Variants in RPS6KA3 observed in about 807,000 individuals in gnomAD.
The protein encoded by RPS6KA3 is ribosomal protein S6 kinase A3, also known as ribosomal protein S6 kinase alpha-3.
RPS6KA3 carries 4 observed loss-of-function variants against 67.2 expected under a neutral mutation model. That is an observed-to-expected ratio of 0.06 (90% confidence interval 0.03 to 0.14). RPS6KA3 has a LOEUF of 0.14. RPS6KA3 is among the 10% of genes least tolerant of loss of function. RPS6KA3 has a pLI of 1.00. For synonymous variants in RPS6KA3, 182 were observed against 183.7 expected (o/e 0.99, Z 0.07); for missense variants, 204 against 559.0 (o/e 0.36, Z 6.40).
At position 20,195,102 on chromosome X, in the gene RPS6KA3, T is replaced by C. The variant is rs923690485; in HGVS notation, c.369A>G (p.Val123=). The C allele has an allele frequency of 1.4e-5, 17 of 1,202,388 alleles. No individual in the cohort carries two copies. The highest frequency in any genetic ancestry group is 1.8e-5 in the Non-Finnish European group (16 of 887,071). ...TGACAATAAAAGGATGATTAACCTC[T>C]ACCAAGATATCACGTTCCATTTTTG... ...VRTKMERDIL[V]EVNHPFIVKL... The change falls in exon 5 of 22, where the codon GTA becomes GTG. Residue 123 remains valine (V), a synonymous_variant. Transcript: ENST00000379565.
chrX:20,178,355 C>T (rs758675091), intron 10 of RPS6KA3, among the ~76,000 whole-genome samples: 2 of 110,785 alleles, frequency 1.8e-5, no homozygotes, highest in Non-Finnish European at 3.8e-5. Flanking sequence ...AGATAGTTAG[C>T]AACAATAAAA....
chrX:20,223,871 C>T (rs978099863), intron 2 of RPS6KA3, among the ~76,000 whole-genome samples: 31 of 111,929 alleles, frequency 2.8e-4, no homozygotes, highest in African/African-American at 8.1e-4. Context: ...TTTTCTAATT[C>T]GCTGATTTTT....
intron 1 of RPS6KA3, among the ~76,000 whole-genome samples, chrX:20,253,827 A>G (rs1366077160): frequency 9.1e-6 from 1 of 110,364 alleles, no homozygotes; most frequent in Non-Finnish European, 1.9e-5. Context: ...TAGTACTTCT[A>G]GACTTTAATG....
intron 2 of RPS6KA3, among the ~76,000 whole-genome samples, chrX:20,221,696 T>TTC (rs747738165): frequency 8.9e-6 from 1 of 112,372 alleles, no homozygotes; most frequent in Admixed American, 9.4e-5. Flanking sequence ...CTGACCCCTG[T>TTC]TCTCTAATCT....
chrX:20,155,598 T>G lies in RPS6KA3; in HGVS notation c.2101-78A>C, dbSNP rs1018905616. ...TACACAAATACAAAATGAAGAGTTT[T>G]TTCATATGCAAATGTACATAGATTT... On this transcript the variant is annotated intron_variant, in intron 21 of 21. Coordinates refer to ENST00000379565, the MANE Select transcript of RPS6KA3 (RefSeq NM_004586.3). 8.6e-6 allele frequency: 9 copies of G among 1,043,475 alleles called. No individual in the cohort carries two copies. The Admixed American group carries it at 1.8e-4, about 21-fold the overall frequency. 86.0% of individuals were successfully genotyped at this position (1,043,475 alleles called of 1,213,427 possible). A position where few individuals can be genotyped will look rare whatever the true frequency, so the allele number is the denominator to read the frequency against.
At chrX:20,253,737 C>T (rs182138936) in intron 1 of RPS6KA3, among the ~76,000 whole-genome samples, 5 of 111,637 alleles carry the variant, frequency 4.5e-5, no homozygotes, top group African/African-American at 1.6e-4. Flanking sequence ...ATAATTTCCT[C>T]CTAAAGATCC....
At chrX:20,199,116 C>T (rs763714794) in intron 4 of RPS6KA3, among the ~76,000 whole-genome samples, 179 of 111,810 alleles carry the variant, frequency 1.6e-3, no homozygotes, top group Middle Eastern at 9.3e-3. Flanking sequence ...ATGATCCACC[C>T]GCCTCGGCCT....
chrX:20,185,224 G>A (rs2067951237), intron 10 of RPS6KA3, among the ~76,000 whole-genome samples: 1 of 112,083 alleles, frequency 8.9e-6, no homozygotes, highest in East Asian at 2.8e-4. Flanking sequence ...TGGGATTACA[G>A]GTGTGAGCCA....
chrX:20,186,799 T>C (rs903295605), intron 9 of RPS6KA3, among the ~76,000 whole-genome samples: 10 of 112,270 alleles, frequency 8.9e-5, no homozygotes, highest in Admixed American at 3.8e-4. Flanking sequence ...AGTGTAGATA[T>C]GTGAACAATT....
chrX:20,231,530 A>G (rs1410501409), intron 2 of RPS6KA3, among the ~76,000 whole-genome samples: 1 of 111,822 alleles, frequency 8.9e-6, no homozygotes, highest in Non-Finnish European at 1.9e-5. Flanking sequence ...GCTTTACCAC[A>G]TTTAAAAAAA....
At chrX:20,165,828 T>C (rs762903899) in intron 17 of RPS6KA3, among the ~76,000 whole-genome samples, 1 of 111,719 alleles carries the variant, frequency 9.0e-6, no homozygotes, top group East Asian at 2.8e-4. Context: ...TTTCCTCTTT[T>C]AATGATCTAC....
Position 20,223,009 on chromosome X carries a change from T to C in RPS6KA3, c.126+11749A>G, listed in dbSNP as rs1389111486. ...TATTTCCTCTTTACTAAAAGAGGAA[T>C]GAGTGCTAAGTTTTGTGTAATGTCT... On this transcript the variant is annotated intron_variant, in intron 2 of 21. Coordinates refer to ENST00000379565, the MANE Select transcript of RPS6KA3 (RefSeq NM_004586.3). Among the ~76,000 whole-genome samples, 3 of 111,982 alleles carry C rather than the reference T, an allele frequency of 2.7e-5. No individual in the cohort carries two copies. In the East Asian group the frequency reaches 8.3e-4, roughly 31 times the overall value.
At chrX:20,181,752 C>T (rs1294842664) in intron 10 of RPS6KA3, among the ~76,000 whole-genome samples, 1 of 111,081 alleles carries the variant, frequency 9.0e-6, no homozygotes, top group Admixed American at 9.7e-5. Context: ...CACTGATAGC[C>T]ACAGAGAGAG....
chrX:20,155,670 T>A, intron 21 of RPS6KA3, 150 bp from the exon 22 acceptor site: 1 of 697,868 alleles, frequency 1.4e-6, no homozygotes, highest in East Asian at 3.5e-5. Flanking sequence ...ATCCACTGAC[T>A]TAACCAAAAC....
intron 10 of RPS6KA3, among the ~76,000 whole-genome samples, chrX:20,178,721 T>C (rs1167134764): frequency 9.9e-6 from 1 of 101,136 alleles, no homozygotes. Context: ...CCTCAAGTGA[T>C]CCTCCCACTT....
chrX:20,175,211 C>T lies in RPS6KA3; in HGVS notation c.1180G>A (p.Asp394Asn). The T allele has an allele frequency of 8.3e-7, 1 of 1,206,617 alleles. No individual in the cohort carries two copies. ...ACTGTCTGCATAGCTTGGCTTTCAT[C>T]ATCTGAGGTAATAGCAACAAAACTA... ...GFSFVAITSD[D>N]ESQAMQTVGV... is the part of the protein sequence containing the mutation. The change falls in exon 14 of 22, where the codon GAT (aspartate) becomes AAT (asparagine). Residue 394 changes from aspartate to asparagine, a missense_variant. Asp to Asn is a conservative substitution (Grantham distance 23). Around this residue, in one of 4 missense-constraint regions of RPS6KA3, gnomAD observed 24 missense variants for 25.1 expected, o/e 0.96. Transcript: ENST00000379565.
chrX:20,232,706 A>G (rs1032985001), intron 2 of RPS6KA3, among the ~76,000 whole-genome samples: 2 of 112,746 alleles, frequency 1.8e-5, no homozygotes, highest in African/African-American at 6.4e-5. Flanking sequence ...AATATCCAGA[A>G]TATATACAGA....
Position 20,191,269 on chromosome X carries a change from A to G in RPS6KA3, c.593+2218T>C, listed in dbSNP as rs769698580. Among the ~76,000 whole-genome samples, 598 of 111,815 alleles carry G rather than the reference A, an allele frequency of 5.3e-3. 5 individuals are homozygous for G. The highest frequency in any genetic ancestry group is 0.018 in the Middle Eastern group (4 of 218). ...CCACATTTTCTTTATCCAGTCTATC[A>G]TTGATGGGCATTTGGGTTGGTTCCA... On this transcript the variant is annotated intron_variant, in intron 7 of 21. Coordinates refer to ENST00000379565, the MANE Select transcript of RPS6KA3 (RefSeq NM_004586.3).
At chrX:20,186,600 A>ATT (rs1251940583) in intron 9 of RPS6KA3, among the ~76,000 whole-genome samples, 2 of 93,604 alleles carry the variant, frequency 2.1e-5, no homozygotes, top group Non-Finnish European at 4.4e-5. Context: ...TTTTTATTTT[A>ATT]TTTTTTTTTT....
Sources: allele counts gnomAD v4.1 joint callset (sites outside exome capture counted in the v4.1 genomes callset), GRCh38; gene constraint gnomAD v4.1.1; regional missense constraint gnomAD v4.1.1; transcripts MANE v1.5; gene names NCBI Gene and HGNC (gene_info 2026-07-23, HGNC 2026-07-21).